Variants in KIAA1217 observed in about 807,000 individuals in gnomAD.
KIAA1217 encodes the protein sickle tail protein homolog.
In KIAA1217, 88 loss-of-function variants were observed where a neutral mutation model predicts 163.9. The observed-to-expected ratio is 0.54, with a 90% CI of 0.45 to 0.64. The LOEUF (loss-of-function observed/expected upper bound fraction) is 0.64, where lower values mean the gene tolerates loss of function less well. Ranked by LOEUF, KIAA1217 falls within the 30% of genes least tolerant of loss-of-function variation. KIAA1217 has a pLI of 0.00. For synonymous variants in KIAA1217, 903 were observed against 923.1 expected (o/e 0.98, Z 0.39); for missense variants, 2,372 against 2,475.0 (o/e 0.96, Z 0.88).
chr10:23,755,105 G>A (rs1317926777), intron 1 of KIAA1217, among the ~76,000 whole-genome samples: 1 of 152,164 alleles, frequency 6.6e-6, no homozygotes, highest in Non-Finnish European at 1.5e-5. Context: ...GGGATCTACA[G>A]CTGTGGCACC....
intron 1 of KIAA1217, among the ~76,000 whole-genome samples, chr10:23,764,100 C>T (rs1180199438): frequency 6.6e-6 from 1 of 151,804 alleles, no homozygotes; most frequent in Non-Finnish European, 1.5e-5. Context: ...GGAATTTAAA[C>T]ATATTTACAA....
intron 1 of KIAA1217, among the ~76,000 whole-genome samples, chr10:23,808,498 G>A (rs1035342826): frequency 6.6e-6 from 1 of 152,034 alleles, no homozygotes; most frequent in African/African-American, 2.4e-5. Context: ...CTGTAAAAGA[G>A]CATTTGAAAA....
At chr10:24,068,151 TGCACCCACTGTCCG>T (rs1437029295) in intron 2 of KIAA1217, among the ~76,000 whole-genome samples, 4 of 152,196 alleles carry the variant, frequency 2.6e-5, no homozygotes, top group African/African-American at 9.6e-5. Flanking sequence ...CCCACTGTCC[TGCACCCACTGTCCG>T]GCACTCCCCT....
At chr10:24,492,130 C>T (rs914839903) in intron 6 of KIAA1217, among the ~76,000 whole-genome samples, 15 of 152,150 alleles carry the variant, frequency 9.9e-5, no homozygotes, top group African/African-American at 3.4e-4. Flanking sequence ...AGCATTCTTC[C>T]GAGGAAGTCA....
intron 6 of KIAA1217, among the ~76,000 whole-genome samples, chr10:24,492,177 C>T (rs1176286517): frequency 6.6e-6 from 1 of 152,202 alleles, no homozygotes; most frequent in Non-Finnish European, 1.5e-5. Flanking sequence ...CTGTGCCCCC[C>T]ATGTGGCAGG....
chr10:23,998,626 A>G (rs1045993740), intron 1 of KIAA1217, among the ~76,000 whole-genome samples: 3 of 152,234 alleles, frequency 2.0e-5, no homozygotes, highest in Non-Finnish European at 4.4e-5. Flanking sequence ...GATACAGTTA[A>G]AAAGGCCAGT....
chr10:24,531,774 T>C (rs181329472), intron 14 of KIAA1217, 56 bp from the exon 15 acceptor site: 1 of 1,480,586 alleles, frequency 6.8e-7, no homozygotes, highest in Admixed American at 2.2e-5. Context: ...TATACCAGAC[T>C]TTCTGGATGT....
Position 24,543,400 on chromosome 10 carries a change from A to G in KIAA1217, c.4130A>G (p.Asn1377Ser). The change falls in exon 19 of 21, where the codon AAT becomes AGT. Residue 1377 changes from asparagine to serine, a missense_variant. By Grantham distance (46) the Asn-to-Ser change is conservative. Coordinates refer to ENST00000376454, the MANE Select transcript of KIAA1217 (RefSeq NM_019590.5). ...AGTTCAAGTTCTCCCACTGAAGAAA[A>G]TGCAGCCACTGACAATATTGCCTTC... is the stretch of plus-strand genomic sequence containing the variant. Reference protein sequence around the residue: ...ESSSSSPTEENAATDNIAFMI... With the variant: ...ESSSSSPTEESAATDNIAFMI... 6.2e-7 allele frequency: 1 copy of G among 1,614,180 alleles called. No individual in the cohort carries two copies. The highest frequency in any genetic ancestry group is 8.5e-7 in the Non-Finnish European group (1 of 1,180,030).
intron 1 of KIAA1217, among the ~76,000 whole-genome samples, chr10:23,892,927 G>A (rs1376804704): frequency 1.3e-5 from 2 of 151,898 alleles, no homozygotes; most frequent in African/African-American, 2.4e-5. Flanking sequence ...TGGCATTGAC[G>A]TCTCTTTGAA....
chr10:24,269,885 A>G (rs2076606866), intron 2 of KIAA1217, among the ~76,000 whole-genome samples: 1 of 152,210 alleles, frequency 6.6e-6, no homozygotes, highest in Non-Finnish European at 1.5e-5. Context: ...CGTACTATAT[A>G]CAATGCTAAA....
intron 1 of KIAA1217, among the ~76,000 whole-genome samples, chr10:23,999,351 T>C (rs1317944165): frequency 1.3e-5 from 2 of 152,166 alleles, no homozygotes; most frequent in Admixed American, 1.3e-4. Flanking sequence ...GAGGCAGTGT[T>C]GGACCCTGGC....
At chr10:24,410,734 A>G (rs2057690257) in intron 3 of KIAA1217, among the ~76,000 whole-genome samples, 1 of 152,236 alleles carries the variant, frequency 6.6e-6, no homozygotes, top group Admixed American at 6.5e-5. Context: ...GAGAATTTAA[A>G]TGATTTGACC....
At chr10:24,217,397 C>T (rs572712934) in intron 1 of KIAA1217, among the ~76,000 whole-genome samples, 5 of 152,294 alleles carry the variant, frequency 3.3e-5, no homozygotes, top group Non-Finnish European at 7.3e-5. Flanking sequence ...GAAGAATTGA[C>T]TAATTTGGCT....
At chr10:24,385,358 C>T (rs887584046) in intron 3 of KIAA1217, among the ~76,000 whole-genome samples, 1 of 152,134 alleles carries the variant, frequency 6.6e-6, no homozygotes, top group African/African-American at 2.4e-5. Flanking sequence ...AAAAGACATG[C>T]AAGAGAAAGT....
chr10:24,230,256 AG>A (rs2071187065), intron 2 of KIAA1217, among the ~76,000 whole-genome samples: 1 of 152,182 alleles, frequency 6.6e-6, no homozygotes, highest in Non-Finnish European at 1.5e-5. Context: ...GAAATATTTC[AG>A]ATTTCAATTT....
At chr10:24,245,927 T>C (rs72774820) in intron 2 of KIAA1217, among the ~76,000 whole-genome samples, 40,213 of 151,942 alleles carry the variant, frequency 0.26, 6,102 homozygotes, top group East Asian at 0.37. Flanking sequence ...TGTCAACCAC[T>C]GCACCTGGCC....
At chr10:24,144,809 G>T (rs1453878714) in intron 2 of KIAA1217, among the ~76,000 whole-genome samples, 2 of 152,132 alleles carry the variant, frequency 1.3e-5, no homozygotes, top group Non-Finnish European at 2.9e-5. Context: ...CCCCTAGCCT[G>T]CCTTTTATTG....
chr10:24,063,582 C>G (rs1301710591), intron 2 of KIAA1217, among the ~76,000 whole-genome samples: 1 of 152,148 alleles, frequency 6.6e-6, no homozygotes, highest in Non-Finnish European at 1.5e-5. Context: ...GTGATGCCTC[C>G]AGCTTTGTTC....
Position 24,543,644 on chromosome 10 carries a change from G to C in KIAA1217, c.4374G>C (p.Lys1458Asn), listed in dbSNP as rs376037220. The change falls in exon 19 of 21, where the codon AAG becomes AAC. Residue 1458 changes from lysine to asparagine, a missense_variant. Coordinates refer to ENST00000376454, the MANE Select transcript of KIAA1217 (RefSeq NM_019590.5). Reference protein sequence around the residue: ...DEPMDIRSAYKRLSTIFEECD... With the variant: ...DEPMDIRSAYNRLSTIFEECD... The stretch of plus-strand genomic sequence containing the variant: ...CCATGGACATCCGGTCTGCCTATAA[G>C]AGACTTTCAACTATCTTTGAGGAAT... The C allele has an allele frequency of 6.2e-7, 1 of 1,614,008 alleles. No homozygotes were observed. The highest frequency in any genetic ancestry group is 1.3e-5 in the African/African-American group (1 of 74,908).
Sources: gnomAD v4.1 joint callset for allele counts (sites outside exome capture counted in the v4.1 genomes callset) on GRCh38, gnomAD v4.1.1 for gene constraint, MANE v1.5 for transcripts, NCBI Gene and HGNC (gene_info 2026-07-23, HGNC 2026-07-21) for gene names.